The following EPS8 variants were observed in gnomAD, a reference collection of about 807,000 sequenced individuals.
EPS8 encodes EGFR pathway substrate 8, signaling adaptor.
In EPS8, 42 loss-of-function variants were observed where a neutral mutation model predicts 103.8. The ratio of observed to expected loss-of-function variants is 0.40; its 90% confidence interval spans 0.32 to 0.52. The LOEUF is 0.52. EPS8 is among the 20% of genes least tolerant of loss of function. The pLI is 0.40. For synonymous variants in EPS8, 344 were observed against 344.6 expected (o/e 1.00, Z 0.02); for missense variants, 969 against 1,005.1 (o/e 0.96, Z 0.49).
chr12:15,742,147 T>C (rs935129727), intron 1 of EPS8, among the ~76,000 whole-genome samples: 8 of 152,256 alleles, frequency 5.3e-5, no homozygotes, highest in African/African-American at 1.4e-4. Flanking sequence ...AACTCTTTGC[T>C]ATTGTGAATA....
At chr12:15,655,014 T>A (rs1323586493) in intron 12 of EPS8, among the ~76,000 whole-genome samples, 1 of 152,184 alleles carries the variant, frequency 6.6e-6, no homozygotes, top group African/African-American at 2.4e-5. Context: ...AGTTATCTCC[T>A]AGAGCAGAAA....
chr12:15,680,315 T>C (rs1486432433), intron 3 of EPS8, among the ~76,000 whole-genome samples: 1 of 152,192 alleles, frequency 6.6e-6, no homozygotes, highest in African/African-American at 2.4e-5. Context: ...TGCTGTTGGT[T>C]CCTATAGCAC....
At chr12:15,676,896 T>C (rs1012530769) in intron 3 of EPS8, among the ~76,000 whole-genome samples, 2 of 152,210 alleles carry the variant, frequency 1.3e-5, no homozygotes, top group Admixed American at 6.5e-5. Flanking sequence ...ATTTTCACCA[T>C]TTTCCTTGAA....
At chr12:15,651,900 C>A (rs1945421592) in intron 13 of EPS8, among the ~76,000 whole-genome samples, 1 of 152,024 alleles carries the variant, frequency 6.6e-6, no homozygotes, top group Non-Finnish European at 1.5e-5. Context: ...CGTGTGTTAA[C>A]AGCTAACAAT....
Position 15,624,352 on chromosome 12 carries a change from A to G in EPS8, c.2100T>C (p.Ile700=). The G allele has an allele frequency of 6.2e-7, 1 of 1,607,364 alleles. No homozygotes were observed. The highest frequency in any genetic ancestry group is 1.1e-5 in the South Asian group (1 of 90,232). The change falls in exon 19 of 21, where the codon ATT becomes ATC. Residue 700 remains isoleucine, a synonymous_variant. Coordinates refer to ENST00000281172, the MANE Select transcript of EPS8 (RefSeq NM_004447.6). ...ATTTCTTCTGAGCGGCACTCCGACC[A>G]ATGGTCAGTCTGTGGATGAGTTCAT... ...VQDELIHRLT[I]GRSAAQKKFH... is the part of the protein sequence containing the mutation.
Position 15,640,732 on chromosome 12 carries a change from C to T in EPS8, c.1792G>A (p.Ala598Thr), listed in dbSNP as rs1945213833. Residue 598 changes from alanine to threonine, a missense_variant, in exon 17 of 21, where the codon GCT becomes ACT. Ala to Thr is a moderately conservative substitution (Grantham distance 58). Coordinates refer to ENST00000281172, the MANE Select transcript of EPS8 (RefSeq NM_004447.6). ...VRPPESGLGR[A>T]DPPYTHTIQK... ...ATAGTATGAGTATAAGGTGGATCAGCACGCCCCAATCCAGATTCTGGAGGT... is the reference window on the plus strand; with the variant it reads ...ATAGTATGAGTATAAGGTGGATCAGTACGCCCCAATCCAGATTCTGGAGGT... 4.3e-6 allele frequency: 7 copies of T among 1,613,822 alleles called. No individual in the cohort carries two copies. Among genetic ancestry groups the T allele is most frequent in the Non-Finnish European group, 5.1e-6 (6 of 1,179,844 alleles).
chr12:15,646,995 G>C, intron 15 of EPS8, 132 bp downstream of exon 15: 1 of 850,998 alleles, frequency 1.2e-6, no homozygotes, highest in Non-Finnish European at 1.7e-6. Flanking sequence ...AGGAACAACT[G>C]AAACTTTATC....
intron 1 of EPS8, among the ~76,000 whole-genome samples, chr12:15,746,855 T>A (rs1591916125): frequency 1.3e-5 from 2 of 152,142 alleles, no homozygotes; most frequent in East Asian, 3.9e-4. Flanking sequence ...AAGCATATAC[T>A]CCTACTGTCC....
rs749091207 is a variant in EPS8, at chr12:15,734,799, C to T, written c.-21-51827G>A. On this transcript the variant is annotated intron_variant, in intron 1 of 20. Transcript: ENST00000281172. The surrounding 1 kb of genome is among the most constrained non-coding windows in gnomAD (Gnocchi z 4.1). The stretch of plus-strand genomic sequence containing the variant: ...TCCCATTTAACTCACTGTGACACTT[C>T]ACGATATTAATACTTCTACCTTACA... Among the ~76,000 whole-genome samples, 3 of 152,202 alleles carry T rather than the reference C, an allele frequency of 2.0e-5. No individual in the cohort carries two copies. The highest frequency in any genetic ancestry group is 2.9e-5 in the Non-Finnish European group (2 of 68,038).
chr12:15,690,548 A>G lies in EPS8; in HGVS notation c.-21-7576T>C, dbSNP rs1396478454. On this transcript the variant is annotated intron_variant, in intron 1 of 20. Coordinates refer to ENST00000281172, the MANE Select transcript of EPS8 (RefSeq NM_004447.6). This position sits in a 1 kb window ranked among gnomAD's most constrained non-coding sequence, Gnocchi z 4.7. ...TTTGATAAGGGAACACAGAGGTATT[A>G]TATCTTATCAAGGATTATCCATTGT... 6.6e-6 allele frequency among the ~76,000 whole-genome samples: 1 copy of G among 152,200 alleles called. No individual in the cohort carries two copies. Among genetic ancestry groups the G allele is most frequent in the Non-Finnish European group, 1.5e-5 (1 of 68,038 alleles).
Position 15,686,032 on chromosome 12 carries a change from A to G in EPS8, c.-21-3060T>C, listed in dbSNP as rs562909216. On this transcript the variant is annotated intron_variant, in intron 1 of 20. Transcript: ENST00000281172. ...AGCCATCATAATAGCTACCACCTAC[A>G]GTTGGCTCCTGAACAAGAGGAGGGT... Among the ~76,000 whole-genome samples the G allele has an allele frequency of 3.3e-5, 5 of 152,230 alleles. No individual in the cohort carries two copies. In the South Asian group the frequency reaches 1.0e-3, roughly 32 times the overall value.
intron 1 of EPS8, among the ~76,000 whole-genome samples, chr12:15,699,557 T>C (rs2970189): frequency 0.93 from 142,152 of 152,276 alleles, 67,166 homozygotes; most frequent in East Asian, 1. Flanking sequence ...AAACCAGTTG[T>C]ATTCAACCAA....
At chr12:15,667,788 T>C (rs996281965) in intron 6 of EPS8, among the ~76,000 whole-genome samples, 3 of 152,106 alleles carry the variant, frequency 2.0e-5, no homozygotes, top group African/African-American at 7.2e-5. Flanking sequence ...ATATGCAGAG[T>C]ATGAAACTAA....
At chr12:15,755,465 T>C (rs1267239499) in intron 1 of EPS8, among the ~76,000 whole-genome samples, 1 of 152,210 alleles carries the variant, frequency 6.6e-6, no homozygotes, top group Non-Finnish European at 1.5e-5. Flanking sequence ...GCAATCTCTC[T>C]GAGCCTGTTT....
rs1021332369 is a variant in EPS8, at chr12:15,688,071, T to C, written c.-21-5099A>G. On this transcript the variant is annotated intron_variant, in intron 1 of 20. Transcript: ENST00000281172. The surrounding 1 kb of genome is among the most constrained non-coding windows in gnomAD (Gnocchi z 5.1). ...TATTTTGAAGCTTAATAAAATCACA[T>C]AGTACCATGAATGACTGAAAAGTAA... Among the ~76,000 whole-genome samples, 7 of 152,306 alleles carry C rather than the reference T, an allele frequency of 4.6e-5. No individual in the cohort carries two copies. The highest frequency in any genetic ancestry group is 2.1e-4 in the South Asian group (1 of 4,828).
rs539620585 is a variant in EPS8, at chr12:15,772,975, G to A, written c.-22+16186C>T. ...TTTCCTTTTGGTTTAGCTTTTAGAAGATGGCAGATGACCTACAGACATAAG... is the reference window on the plus strand; with the variant it reads ...TTTCCTTTTGGTTTAGCTTTTAGAAAATGGCAGATGACCTACAGACATAAG... On this transcript the variant is annotated intron_variant, in intron 1 of 20. Coordinates refer to ENST00000281172, the MANE Select transcript of EPS8 (RefSeq NM_004447.6). This position sits in a 1 kb window ranked among gnomAD's most constrained non-coding sequence, Gnocchi z 5.0. Among the ~76,000 whole-genome samples the A allele has an allele frequency of 1.3e-4, 20 of 152,256 alleles. No homozygotes were observed. The highest frequency in any genetic ancestry group is 4.8e-4 in the African/African-American group (20 of 41,556).
chr12:15,722,333 A>C (rs1221578468), intron 1 of EPS8, among the ~76,000 whole-genome samples: 3 of 151,858 alleles, frequency 2.0e-5, no homozygotes, highest in African/African-American at 4.8e-5. Context: ...TACCCCCCCC[A>C]AAAATTATGT....
intron 16 of EPS8, 79 bp downstream of exon 16, chr12:15,641,643 G>T (rs1192679072): frequency 3.3e-6 from 2 of 608,792 alleles, no homozygotes; most frequent in Non-Finnish European, 2.7e-6. Context: ...ACTTTTGAAG[G>T]AAAGTTTAGT....
rs142846076 is a variant in EPS8, at chr12:15,641,862, T to C, written c.1569-32A>G. 5.3e-4 allele frequency: 642 copies of C among 1,208,474 alleles called. 4 individuals are homozygous for C. The African/African-American group carries it at 8.1e-3, about 15-fold the overall frequency. 74.9% of individuals were successfully genotyped at this position (1,208,474 alleles called of 1,614,324 possible). A position where few individuals can be genotyped will look rare whatever the true frequency, so the allele number is the denominator to read the frequency against. The stretch of plus-strand genomic sequence containing the variant: ...AAAGAAAGAAAAAAGATTATTATTC[T>C]GCTAGCTCTTCCTAAAGGATAAAAA... On this transcript the variant is annotated intron_variant, in intron 15 of 20. Coordinates refer to ENST00000281172, the MANE Select transcript of EPS8 (RefSeq NM_004447.6).
Sources: allele counts gnomAD v4.1 joint callset (sites outside exome capture counted in the v4.1 genomes callset), GRCh38; gene constraint gnomAD v4.1.1; non-coding constraint Gnocchi (gnomAD v3.1); transcripts MANE v1.5; gene names NCBI Gene and HGNC (gene_info 2026-07-23, HGNC 2026-07-21).